The following LRP6 variants were observed in gnomAD, a reference collection of about 807,000 sequenced individuals.
The protein encoded by LRP6 is LDL receptor related protein 6.
In LRP6, 43 loss-of-function variants were observed where a neutral mutation model predicts 184.1. That is an observed-to-expected ratio of 0.23 (90% CI 0.18 to 0.30). LRP6 has a LOEUF of 0.30. Ranked by LOEUF, LRP6 falls within the 10% of genes least tolerant of loss-of-function variation. LRP6 has a pLI of 1.00. For missense variants in LRP6, 1,571 were observed against 2,005.3 expected (o/e 0.78, Z 4.14); for synonymous variants, 719 against 684.9 (o/e 1.05, Z -0.78).
chr12:12,186,751 C>T (rs1312743743), intron 4 of LRP6, 172 bp downstream of exon 4: 8 of 671,612 alleles, frequency 1.2e-5, no homozygotes, highest in African/African-American at 7.1e-5. Context: ...CTCGGCCTCC[C>T]GAGTTCAAGT....
chr12:12,165,378 T>C, intron 7 of LRP6, 83 bp from the exon 8 acceptor site: 1 of 951,202 alleles, frequency 1.1e-6, no homozygotes, highest in Non-Finnish European at 1.7e-6. Flanking sequence ...CTGCCTGTTG[T>C]ATAAAAATCC....
chr12:12,150,781 G>C, intron 13 of LRP6, 55 bp downstream of exon 13: 1 of 1,566,276 alleles, frequency 6.4e-7, no homozygotes, highest in Non-Finnish European at 8.8e-7. Context: ...CAGAGTGGTT[G>C]GTGAGTCCAG....
chr12:12,188,157 GCCGAGATCGCGC>G (rs1486566193), intron 3 of LRP6, among the ~76,000 whole-genome samples: 1 of 149,734 alleles, frequency 6.7e-6, no homozygotes, highest in East Asian at 2.0e-4. Flanking sequence ...GTTGCAGTGA[GCCGAGATCGCGC>G]CACTGCACTC....
chr12:12,207,951 T>C (rs1864110474), intron 2 of LRP6, among the ~76,000 whole-genome samples: 1 of 151,802 alleles, frequency 6.6e-6, no homozygotes, highest in Admixed American at 6.6e-5. Context: ...GCATAAGAAA[T>C]ATTTTAAAAG....
In LRP6 at chr12:12,149,138, C is replaced by A; in HGVS notation, c.3010G>T (p.Val1004Leu). 6.2e-7 allele frequency: 1 copy of A among 1,613,778 alleles called. No individual in the cohort carries two copies. Among genetic ancestry groups the A allele is most frequent in the Non-Finnish European group, 8.5e-7 (1 of 1,179,850 alleles). ...AGGTTCTGACTCGGAACTGAGCTCA[C>A]AACCACAGTAAAGCCCTAGGGAAAA... is the stretch of plus-strand genomic sequence containing the variant. ...EDGSQGFTVV[V>L]SSVPSQNLEI... Residue 1004 changes from valine to leucine, a missense_variant, in exon 14 of 23, where the codon GTG (valine) becomes TTG (leucine). By Grantham distance (32) the Val-to-Leu change is conservative. This residue lies in a region of LRP6 where 763 missense variants were observed against 859.5 expected (regional missense o/e 0.89). Transcript: ENST00000261349.
chr12:12,265,241 A>G (rs1865727109), intron 1 of LRP6, among the ~76,000 whole-genome samples: 1 of 152,228 alleles, frequency 6.6e-6, no homozygotes, highest in South Asian at 2.1e-4. Context: ...AAACCTCTCC[A>G]GTACGTAACA....
At chr12:12,261,486 CCAGA>C (rs1003202524) in intron 1 of LRP6, among the ~76,000 whole-genome samples, 2 of 151,624 alleles carry the variant, frequency 1.3e-5, no homozygotes, top group Admixed American at 6.6e-5. Context: ...AATTTAATAA[CCAGA>C]CAAATTATTG....
intron 1 of LRP6, among the ~76,000 whole-genome samples, chr12:12,257,983 A>C (rs1330069685): frequency 6.6e-6 from 1 of 151,642 alleles, no homozygotes; most frequent in Non-Finnish European, 1.5e-5. Context: ...AAAAAAAAAA[A>C]ACTAATTATA....
At chr12:12,201,643 T>A (rs558148663) in intron 3 of LRP6, among the ~76,000 whole-genome samples, 13 of 152,312 alleles carry the variant, frequency 8.5e-5, no homozygotes, top group African/African-American at 3.1e-4. Context: ...ACTTTATCCA[T>A]GTTTTTGGAT....
intron 2 of LRP6, among the ~76,000 whole-genome samples, chr12:12,214,457 A>C (rs1265528642): frequency 6.6e-6 from 1 of 152,216 alleles, no homozygotes. Flanking sequence ...ATATCTCATA[A>C]ATCAACTATG....
At chr12:12,234,535 G>A (rs1362206547) in intron 2 of LRP6, among the ~76,000 whole-genome samples, 1 of 151,656 alleles carries the variant, frequency 6.6e-6, no homozygotes, top group Non-Finnish European at 1.5e-5. Flanking sequence ...AAGATTATAA[G>A]AATATACACA....
rs1950047809 is a variant in LRP6, at chr12:12,149,148, A to G, written c.3000T>C (p.Phe1000=). The change falls in exon 14 of 23, where the codon TTT becomes TTC. Residue 1000 remains phenylalanine, a synonymous_variant. Transcript: ENST00000261349. The part of the protein sequence containing the change: ...RKAQEDGSQG[F]TVVVSSVPSQ... Reference sequence around the variant, plus strand: ...TCGGAACTGAGCTCACAACCACAGTAAAGCCCTAGGGAAAAAAAGAAATAC... The same window carrying G: ...TCGGAACTGAGCTCACAACCACAGTGAAGCCCTAGGGAAAAAAAGAAATAC... 4 of 1,613,508 alleles carry G rather than the reference A, an allele frequency of 2.5e-6. No individual in the cohort carries two copies. The highest frequency in any genetic ancestry group is 3.4e-6 in the Non-Finnish European group (4 of 1,179,622).
intron 8 of LRP6, 114 bp from the exon 9 acceptor site, chr12:12,164,676 T>C (rs1862825421): frequency 1.1e-6 from 1 of 946,388 alleles, no homozygotes; most frequent in African/African-American, 1.6e-5. Context: ...TGATTATGTC[T>C]TGCTCCCAAT....
chr12:12,183,528 T>C (rs1863395128), intron 5 of LRP6, among the ~76,000 whole-genome samples: 1 of 152,208 alleles, frequency 6.6e-6, no homozygotes, highest in Non-Finnish European at 1.5e-5. Flanking sequence ...CATCTCTCTG[T>C]TGTTAAAAAG....
At chr12:12,164,220 TAGA>T (rs1862813436) in intron 9 of LRP6, 50 bp downstream of exon 9, 2 of 1,535,286 alleles carry the variant, frequency 1.3e-6, no homozygotes, top group Non-Finnish European at 1.8e-6. Context: ...TCAGAAATTC[TAGA>T]AGTTCTCCCT....
At chr12:12,145,624 CTTTTTTTTT>C (rs1157764946) in intron 15 of LRP6, among the ~76,000 whole-genome samples, 23 of 80,348 alleles carry the variant, frequency 2.9e-4, no homozygotes, top group African/African-American at 7.4e-4. Context: ...TTTTCTTTTT[CTTTTTTTTT>C]TTTTTTTTTT....
intron 1 of LRP6, among the ~76,000 whole-genome samples, chr12:12,263,532 C>T (rs1865678934): frequency 7.5e-6 from 1 of 132,970 alleles, no homozygotes; most frequent in Non-Finnish European, 1.5e-5. Context: ...GCCTGGGCAA[C>T]AGAGCAAGAA....
chr12:12,236,125 G>A (rs1417858882), intron 2 of LRP6, among the ~76,000 whole-genome samples: 1 of 152,114 alleles, frequency 6.6e-6, no homozygotes, highest in Admixed American at 6.5e-5. Flanking sequence ...CACTCGGGAG[G>A]CTGAGGCAGG....
chr12:12,138,389 G>C lies in LRP6; in HGVS notation c.3543C>G (p.Val1181=), dbSNP rs1355296965. ...DMTGREGRTK[V]QARIAQLSDI... ...CACTAAGCTGGGCAATTCGAGCTTG[G>C]ACTTTGGTTCTACCCTCTCGACCTG... The change falls in exon 16 of 23, where the codon GTC becomes GTG. Residue 1181 remains valine, a synonymous_variant. Transcript: ENST00000261349. 6.2e-7 allele frequency: 1 copy of C among 1,614,088 alleles called. No individual in the cohort carries two copies. Among genetic ancestry groups the C allele is most frequent in the East Asian group, 2.2e-5 (1 of 44,872 alleles).
Sources: gnomAD v4.1 joint callset for allele counts (sites outside exome capture counted in the v4.1 genomes callset) on GRCh38, gnomAD v4.1.1 for gene constraint, gnomAD v4.1.1 regional missense constraint, MANE v1.5 for transcripts, NCBI Gene and HGNC (gene_info 2026-07-23, HGNC 2026-07-21) for gene names.